Variants in CTNNA3 observed in about 807,000 individuals in gnomAD.
CTNNA3 encodes the protein catenin alpha-3.
In CTNNA3, 76 loss-of-function variants were observed where a neutral mutation model predicts 95.7. The ratio of observed to expected loss-of-function variants is 0.79; its 90% CI spans 0.66 to 0.96. CTNNA3 has a LOEUF of 0.96. Among genes scored for constraint, CTNNA3 ranks in the 40% least tolerant of loss-of-function variants. The pLI, the probability that CTNNA3 is intolerant of heterozygous loss-of-function variation, is 0.00. For missense variants in CTNNA3, 1,191 were observed against 1,089.8 expected, an observed-to-expected ratio of 1.09 and a Z score of -1.31; for synonymous variants, 431 against 374.4, an observed-to-expected ratio of 1.15 and a Z score of -1.74.
chr10:67,484,229 C>G (rs562198091), intron 5 of CTNNA3, among the ~76,000 whole-genome samples: 1 of 152,258 alleles, frequency 6.6e-6, no homozygotes, highest in East Asian at 1.9e-4. Context: ...GGAAAGGACT[C>G]CCTATTCAAT....
rs181302140 is a variant in CTNNA3, at chr10:66,776,816, A to T, written c.1048-1292T>A. On this transcript the variant is annotated intron_variant, in intron 7 of 17. Coordinates refer to ENST00000433211, the MANE Select transcript of CTNNA3 (RefSeq NM_013266.4). ...ATTTTGAGTGTTTTTCAATATAATC[A>T]TTTTATTTATGTGCATCCCCCTTAT... is the stretch of plus-strand genomic sequence containing the variant. 1.1e-4 allele frequency among the ~76,000 whole-genome samples: 17 copies of T among 152,222 alleles called. No homozygotes were observed. The East Asian group carries it at 3.3e-3, about 29-fold the overall frequency.
intron 16 of CTNNA3, among the ~76,000 whole-genome samples, chr10:65,968,880 C>T (rs1281332403): frequency 1.3e-5 from 2 of 152,184 alleles, no homozygotes; most frequent in African/African-American, 4.8e-5. Flanking sequence ...TATGCTTCAG[C>T]ACCGGTGCTC....
In CTNNA3 at chr10:67,743,106, T is replaced by C. The variant is rs1476778848; in HGVS notation, c.-2+20328A>G. ...GAGCTGGTACCATTCCTTCTGAAAC[T>C]ATTCCAATCAATAGAAAAAGAGGGA... On this transcript the variant is annotated intron_variant, in intron 1 of 17. Transcript: ENST00000684154. Among the ~76,000 whole-genome samples, 8 of 151,428 alleles carry C rather than the reference T, an allele frequency of 5.3e-5. 1 individual carries two copies. Among genetic ancestry groups the C allele is most frequent in the East Asian group, 3.9e-4 (2 of 5,186 alleles).
At chr10:66,470,142 G>A (rs1223271890) in intron 11 of CTNNA3, among the ~76,000 whole-genome samples, 3 of 151,770 alleles carry the variant, frequency 2.0e-5, no homozygotes, top group Middle Eastern at 3.2e-3. Context: ...GCTTTGGATA[G>A]GAGGAACAAC....
In CTNNA3 at chr10:65,914,406, T is replaced by G. The variant is rs2076982246; in HGVS notation, c.*5924A>C. On this transcript the variant is annotated 3_prime_UTR_variant, in exon 18 of 18. Transcript: ENST00000433211. ...CCAAGGCCTGAGATTTGAAAGCCTATCCAGCAACATGGGCAAGAAGAGTCT... is the reference window on the plus strand; with the variant it reads ...CCAAGGCCTGAGATTTGAAAGCCTAGCCAGCAACATGGGCAAGAAGAGTCT... 6.6e-6 allele frequency: 1 copy of G among 152,190 alleles called. No homozygotes were observed. 9.4% of individuals were successfully genotyped at this position (152,190 alleles called of 1,614,324 possible). A position where few individuals can be genotyped will look rare whatever the true frequency, so the allele number is the denominator to read the frequency against.
intron 11 of CTNNA3, among the ~76,000 whole-genome samples, chr10:66,470,730 G>A (rs1478246151): frequency 3.3e-5 from 5 of 151,776 alleles, no homozygotes; most frequent in African/African-American, 4.8e-5. Flanking sequence ...GCAGAATGAA[G>A]GAGAGAAAGC....
chr10:66,577,134 A>G (rs1843031500), intron 10 of CTNNA3, among the ~76,000 whole-genome samples: 1 of 151,588 alleles, frequency 6.6e-6, no homozygotes, highest in African/African-American at 2.4e-5. Flanking sequence ...TCTTTTTTTG[A>G]GAAGTGTCTC....
chr10:66,961,977 C>T lies in CTNNA3; in HGVS notation c.1048-186453G>A, dbSNP rs750891874. 5.9e-5 allele frequency among the ~76,000 whole-genome samples: 9 copies of T among 152,106 alleles called. No homozygotes were observed. In the East Asian group the frequency reaches 1.5e-3, roughly 26 times the overall value. ...TAAATTCTATGATTAGAAGACTCCA[C>T]GCTGTAAATGTAACTTAAGTCTCTC... On this transcript the variant is annotated intron_variant, in intron 7 of 17. Transcript: ENST00000433211.
chr10:66,985,405 C>T (rs1175278082), intron 7 of CTNNA3, among the ~76,000 whole-genome samples: 13 of 152,080 alleles, frequency 8.5e-5, no homozygotes, highest in Non-Finnish European at 2.9e-5. Flanking sequence ...GGGAAGGGTG[C>T]CCAACAGGAA....
chr10:67,670,139 G>A (rs543262842), intron 1 of CTNNA3, among the ~76,000 whole-genome samples: 1 of 152,282 alleles, frequency 6.6e-6, no homozygotes, highest in African/African-American at 2.4e-5. Context: ...GACTTGTGGA[G>A]TTGTGCCAAC....
upstream of CTNNA3, among the ~76,000 whole-genome samples, chr10:67,699,224 C>CT (rs1379059019): frequency 6.6e-6 from 1 of 152,170 alleles, no homozygotes; most frequent in Non-Finnish European, 1.5e-5. Flanking sequence ...ACAAAACATA[C>CT]TTTTACCCTA....
chr10:66,630,791 T>C (rs1466891358), intron 9 of CTNNA3, among the ~76,000 whole-genome samples: 2 of 152,136 alleles, frequency 1.3e-5, no homozygotes, highest in African/African-American at 4.8e-5. Flanking sequence ...AATTATGGGT[T>C]CTGTAGAATA....
chr10:67,014,679 C>G (rs932203043), intron 7 of CTNNA3, among the ~76,000 whole-genome samples: 18 of 151,972 alleles, frequency 1.2e-4, no homozygotes, highest in Admixed American at 9.8e-4. Flanking sequence ...ACTATTCTTT[C>G]ATTGAGATGA....
chr10:67,731,309 G>C (rs1317787933), intron 1 of CTNNA3, among the ~76,000 whole-genome samples: 1 of 151,956 alleles, frequency 6.6e-6, no homozygotes, highest in Non-Finnish European at 1.5e-5. Context: ...CCTGAGGTCA[G>C]GAGCTCGTGA....
At chr10:66,429,685 T>A (rs928407526) in intron 11 of CTNNA3, among the ~76,000 whole-genome samples, 10 of 152,190 alleles carry the variant, frequency 6.6e-5, no homozygotes, top group South Asian at 2.1e-4. Flanking sequence ...AGAAAAGGTC[T>A]TTGACAAAAT....
intron 5 of CTNNA3, among the ~76,000 whole-genome samples, chr10:67,277,131 A>G (rs1285129291): frequency 2.6e-5 from 4 of 152,194 alleles, no homozygotes; most frequent in South Asian, 2.1e-4. Context: ...TAAGAAGAAT[A>G]TGCTGATCAT....
chr10:66,302,404 C>T (rs2091874596), intron 12 of CTNNA3, among the ~76,000 whole-genome samples: 1 of 152,030 alleles, frequency 6.6e-6, no homozygotes, highest in African/African-American at 2.4e-5. Flanking sequence ...ACTGACACTA[C>T]CTGACTTCAA....
At chr10:67,400,268 C>A (rs1028001543) in intron 5 of CTNNA3, among the ~76,000 whole-genome samples, 1 of 152,154 alleles carries the variant, frequency 6.6e-6, no homozygotes, top group Non-Finnish European at 1.5e-5. Context: ...CCACATCTAA[C>A]AATCTATCAC....
At chr10:66,961,850 C>T (rs1347175243) in intron 7 of CTNNA3, among the ~76,000 whole-genome samples, 2 of 152,110 alleles carry the variant, frequency 1.3e-5, no homozygotes, top group African/African-American at 4.8e-5. Context: ...CCTATTCCTC[C>T]TCTAATATTC....
Sources: gnomAD v4.1 joint callset for allele counts (sites outside exome capture counted in the v4.1 genomes callset) on GRCh38, gnomAD v4.1.1 for gene constraint, MANE v1.5 for transcripts, NCBI Gene and HGNC (gene_info 2026-07-23, HGNC 2026-07-21) for gene names.